The following ZNF521 variants were observed in gnomAD, a reference collection of about 807,000 sequenced individuals.
The protein encoded by ZNF521 is LYST-interacting protein 3.
ZNF521 carries 14 observed loss-of-function variants against 105.5 expected under a neutral mutation model. That is an observed-to-expected ratio of 0.13 (90% confidence interval 0.09 to 0.21). ZNF521 has a LOEUF of 0.21. Among genes scored for constraint, ZNF521 ranks in the 10% least tolerant of loss-of-function variants. ZNF521 has a pLI of 1.00. For synonymous variants in ZNF521, 635 were observed against 606.0 expected (o/e 1.05, Z -0.70); for missense variants, 1,233 against 1,629.7 (o/e 0.76, Z 4.19).
chr18:25,100,834 C>T (rs1442348050), intron 5 of ZNF521, among the ~76,000 whole-genome samples: 1 of 152,158 alleles, frequency 6.6e-6, no homozygotes, highest in African/African-American at 2.4e-5. Context: ...TACTGCAGTA[C>T]TAGTTAGAGC....
At position 25,125,917 on chromosome 18, in the gene ZNF521, G is replaced by A. The variant is rs137943852; in HGVS notation, c.3659-33836C>T. 1.8e-3 allele frequency among the ~76,000 whole-genome samples: 269 copies of A among 152,026 alleles called. 5 individuals carry two copies. The highest frequency in any genetic ancestry group is 0.017 in the East Asian group (86 of 5,168). On this transcript the variant is annotated intron_variant, in intron 5 of 7. Coordinates refer to ENST00000361524, the MANE Select transcript of ZNF521 (RefSeq NM_015461.3). ...AGTTAGGAAATTGTATATTTTATCTGACATTCTATTTCTAGTTGTAGCAAG... is the reference window on the plus strand; with the variant it reads ...AGTTAGGAAATTGTATATTTTATCTAACATTCTATTTCTAGTTGTAGCAAG...
chr18:25,186,625 A>G (rs1454391064), intron 5 of ZNF521, among the ~76,000 whole-genome samples: 1 of 152,220 alleles, frequency 6.6e-6, no homozygotes, highest in Non-Finnish European at 1.5e-5. Context: ...TCTGTTTAAT[A>G]TTCCAAATTT....
At chr18:25,212,139 C>G (rs537926188) in intron 4 of ZNF521, among the ~76,000 whole-genome samples, 15 of 152,024 alleles carry the variant, frequency 9.9e-5, no homozygotes, top group Non-Finnish European at 2.1e-4. Context: ...TCAAGAATAT[C>G]TTTGTCATGT....
intron 3 of ZNF521, among the ~76,000 whole-genome samples, chr18:25,254,282 T>G (rs150189631): frequency 1.1e-3 from 165 of 152,204 alleles, no homozygotes; most frequent in African/African-American, 3.9e-3. Flanking sequence ...ATATACTTAT[T>G]TTGTCTTACA....
At chr18:25,348,257 A>G (rs987317173) in intron 2 of ZNF521, among the ~76,000 whole-genome samples, 1 of 152,164 alleles carries the variant, frequency 6.6e-6, no homozygotes, top group East Asian at 1.9e-4. Flanking sequence ...GATATAATGG[A>G]CAATCCGCAT....
chr18:25,133,129 A>G, intron 5 of ZNF521, among the ~76,000 whole-genome samples: 1 of 152,212 alleles, frequency 6.6e-6, no homozygotes, highest in East Asian at 1.9e-4. Flanking sequence ...GCAGCTTCAT[A>G]TATTCCATTT....
intron 5 of ZNF521, among the ~76,000 whole-genome samples, chr18:25,092,755 T>C (rs1013109997): frequency 1.3e-5 from 2 of 152,158 alleles, no homozygotes; most frequent in Non-Finnish European, 2.9e-5. Context: ...CTCACTTGAC[T>C]AGCCCTGAAT....
intron 3 of ZNF521, among the ~76,000 whole-genome samples, chr18:25,285,744 G>A (rs868707243): frequency 4.0e-5 from 6 of 151,774 alleles, no homozygotes; most frequent in Middle Eastern, 3.4e-3. Context: ...ACGCGCCTGC[G>A]CGCGCACATG....
chr18:25,116,914 T>C (rs1324801091), intron 5 of ZNF521, among the ~76,000 whole-genome samples: 27 of 137,134 alleles, frequency 2.0e-4, no homozygotes, highest in African/African-American at 7.5e-4. Flanking sequence ...TATATATACG[T>C]ATATCTATGT....
chr18:25,097,460 A>AT (rs59508787), intron 5 of ZNF521, among the ~76,000 whole-genome samples: 4,290 of 151,872 alleles, frequency 0.028, 212 homozygotes, highest in East Asian at 0.23. Flanking sequence ...TTCTGCCCTT[A>AT]TTTTTTTTGA....
At chr18:25,252,003 A>G (rs554870652) in intron 3 of ZNF521, among the ~76,000 whole-genome samples, 1 of 152,316 alleles carries the variant, frequency 6.6e-6, no homozygotes, top group African/African-American at 2.4e-5. Context: ...ACCGTTTTCA[A>G]GCTAAAGGAA....
In ZNF521 at chr18:25,227,292, C is replaced by T. The variant is rs1906227450; in HGVS notation, c.626G>A (p.Arg209His). 4.3e-6 allele frequency: 7 copies of T among 1,614,132 alleles called. No homozygotes were observed. The highest frequency in any genetic ancestry group is 2.2e-5 in the South Asian group (2 of 91,076). ...TAAGGAACTAGAGGACAGAAACCCA[C>T]GGCGACAAATGGCACATTTATATGG... Reference protein sequence around the residue: ...NKPYKCAICRRGFLSSSSLHG... With the variant: ...NKPYKCAICRHGFLSSSSLHG... Residue 209 changes from arginine to histidine, a missense_variant, in exon 4 of 8, where the codon CGT becomes CAT. Physicochemically the swap from Arg to His is conservative, Grantham distance 29. Transcript: ENST00000361524. The surrounding 1 kb of genome is among the most constrained non-coding windows in gnomAD (Gnocchi z 5.7).
intron 5 of ZNF521, among the ~76,000 whole-genome samples, chr18:25,167,900 G>T (rs2035374807): frequency 6.6e-6 from 1 of 152,306 alleles, no homozygotes; most frequent in African/African-American, 2.4e-5. Context: ...GCATTCTGAA[G>T]TATTGAATGG....
rs1036759751 is a variant in ZNF521, at chr18:25,206,639, T to C, written c.3574-11395A>G. 2.0e-5 allele frequency among the ~76,000 whole-genome samples: 3 copies of C among 152,200 alleles called. No individual in the cohort carries two copies. In the South Asian group the frequency reaches 6.2e-4, roughly 32 times the overall value. On this transcript the variant is annotated intron_variant, in intron 4 of 7. Coordinates refer to ENST00000361524, the MANE Select transcript of ZNF521 (RefSeq NM_015461.3). ...TTTATAACTTTTATCTCCGCTGAGATATTTTAATGCATGTCCCCCTTTCTC... is the reference window on the plus strand; with the variant it reads ...TTTATAACTTTTATCTCCGCTGAGACATTTTAATGCATGTCCCCCTTTCTC...
chr18:25,318,630 T>C (rs1024900985), intron 3 of ZNF521, among the ~76,000 whole-genome samples: 1 of 152,142 alleles, frequency 6.6e-6, no homozygotes, highest in African/African-American at 2.4e-5. Flanking sequence ...TTTCTCTCTG[T>C]TACAGAAGGC....
At chr18:25,301,009 T>C (rs752936831) in intron 3 of ZNF521, among the ~76,000 whole-genome samples, 1 of 152,212 alleles carries the variant, frequency 6.6e-6, no homozygotes, top group Non-Finnish European at 1.5e-5. Flanking sequence ...AAAGACTGTC[T>C]ATAAACTTGT....
intron 3 of ZNF521, among the ~76,000 whole-genome samples, chr18:25,272,588 A>T (rs1909733628): frequency 6.6e-6 from 1 of 152,160 alleles, no homozygotes; most frequent in Non-Finnish European, 1.5e-5. Context: ...AGCCATAAAA[A>T]AGAAAGAGTT....
chr18:25,178,485 A>G (rs1049459974), intron 5 of ZNF521, among the ~76,000 whole-genome samples: 46 of 152,188 alleles, frequency 3.0e-4, no homozygotes, highest in Non-Finnish European at 1.5e-5. Flanking sequence ...TCATTCACAC[A>G]TTAGTATTAT....
At chr18:25,202,418 A>G (rs2036008988) in intron 4 of ZNF521, 1 of 152,228 alleles carries the variant, frequency 6.6e-6, no homozygotes, top group Non-Finnish European at 1.5e-5. Flanking sequence ...GAGCATGTAC[A>G]TGTTTTTATA....
Sources: allele counts gnomAD v4.1 joint callset (sites outside exome capture counted in the v4.1 genomes callset), GRCh38; gene constraint gnomAD v4.1.1; non-coding constraint Gnocchi (gnomAD v3.1); transcripts MANE v1.5; gene names NCBI Gene and HGNC (gene_info 2026-07-23, HGNC 2026-07-21).